PACSIN2: variants seen among roughly 807,000 people sequenced by gnomAD.
PACSIN2 encodes the protein protein kinase C and casein kinase substrate in neurons 2.
In PACSIN2, 25 loss-of-function variants were observed where a neutral mutation model predicts 63.8. That is an observed-to-expected ratio of 0.39 (90% CI 0.29 to 0.55). PACSIN2 has a LOEUF of 0.55. Among genes scored for constraint, PACSIN2 ranks in the 20% least tolerant of loss-of-function variants. The pLI is 0.62. For missense variants in PACSIN2, 518 were observed against 646.9 expected, an observed-to-expected ratio of 0.80 and a Z score of 2.16; for synonymous variants, 255 against 256.2, an observed-to-expected ratio of 1.00 and a Z score of 0.05.
intron 1 of PACSIN2, among the ~76,000 whole-genome samples, chr22:43,014,691 G>A (rs1281804110): frequency 6.7e-6 from 1 of 149,156 alleles, no homozygotes; most frequent in Non-Finnish European, 1.5e-5. Context: ...CCCTGCTCCT[G>A]CACTTCCCTC....
At chr22:42,949,712 A>T (rs377189233) in intron 1 of PACSIN2, among the ~76,000 whole-genome samples, 48 of 134,440 alleles carry the variant, frequency 3.6e-4, no homozygotes, top group Middle Eastern at 7.1e-3. Context: ...ACACTCTCTC[A>T]CACACACACA....
chr22:42,904,590 C>A (rs1202955241), intron 2 of PACSIN2, among the ~76,000 whole-genome samples: 2 of 152,160 alleles, frequency 1.3e-5, no homozygotes, highest in East Asian at 1.9e-4. Context: ...ACTGGCTCGA[C>A]CCCTAAGGTC....
intron 1 of PACSIN2, among the ~76,000 whole-genome samples, chr22:42,943,415 T>C (rs1933266218): frequency 6.6e-6 from 1 of 152,230 alleles, no homozygotes; most frequent in Admixed American, 6.5e-5. Flanking sequence ...GGTTAGACTC[T>C]CCAGTACAAT....
At chr22:42,986,082 C>T (rs1375931402) in intron 1 of PACSIN2, among the ~76,000 whole-genome samples, 1 of 152,206 alleles carries the variant, frequency 6.6e-6, no homozygotes, top group African/African-American at 2.4e-5. Flanking sequence ...TTTAGCCAAG[C>T]ACCCTCAAGG....
Position 42,920,793 on chromosome 22 carries a change from C to CTT in PACSIN2, c.-77-8638_-77-8637dup, listed in dbSNP as rs745822264. On this transcript the variant is annotated intron_variant, in intron 1 of 10. Transcript: ENST00000263246. ...GGGTCAATTATCATGAATTATCACA[C>CTT]TTTTTTTTTTTTTTTTTTTTTTTTT... 2.7e-4 allele frequency among the ~76,000 whole-genome samples: 21 copies of CTT among 77,656 alleles called. 2 individuals are homozygous for CTT. The highest frequency in any genetic ancestry group is 5.5e-4 in the East Asian group (1 of 1,832). 50.9% of individuals were successfully genotyped at this position (77,656 alleles called of 152,430 possible). A position where few individuals can be genotyped will look rare whatever the true frequency, so the allele number is the denominator to read the frequency against.
intron 1 of PACSIN2, among the ~76,000 whole-genome samples, chr22:42,985,609 T>G (rs2050106507): frequency 1.3e-5 from 2 of 151,948 alleles, no homozygotes; most frequent in South Asian, 4.2e-4. Flanking sequence ...TTGAAACATT[T>G]GCAAAACATA....
At chr22:42,984,727 G>C (rs1449120062) in intron 1 of PACSIN2, among the ~76,000 whole-genome samples, 1 of 152,200 alleles carries the variant, frequency 6.6e-6, no homozygotes, top group African/African-American at 2.4e-5. Flanking sequence ...AGGCTGCAGA[G>C]CTGTGGCCTT....
At chr22:42,964,768 T>C (rs1417330965) in intron 1 of PACSIN2, among the ~76,000 whole-genome samples, 1 of 151,992 alleles carries the variant, frequency 6.6e-6, no homozygotes, top group South Asian at 2.1e-4. Flanking sequence ...ACCACAAGCC[T>C]TTTCCATTAG....
intron 1 of PACSIN2, among the ~76,000 whole-genome samples, chr22:42,971,340 G>C (rs574638536): frequency 6.6e-6 from 1 of 152,346 alleles, no homozygotes; most frequent in East Asian, 1.9e-4. Context: ...GCCCGCCTCA[G>C]CCTCCCGAGG....
intron 1 of PACSIN2, among the ~76,000 whole-genome samples, chr22:42,940,859 G>A (rs1933126529): frequency 6.6e-6 from 1 of 152,234 alleles, no homozygotes; most frequent in Non-Finnish European, 1.5e-5. Flanking sequence ...GATGATGGGT[G>A]AAGTACTTGA....
intron 1 of PACSIN2, among the ~76,000 whole-genome samples, chr22:42,944,778 C>T (rs994206184): frequency 6.6e-6 from 1 of 152,262 alleles, no homozygotes; most frequent in African/African-American, 2.4e-5. Context: ...AGTGGCACAG[C>T]GCATCCACTA....
intron 1 of PACSIN2, among the ~76,000 whole-genome samples, chr22:43,004,299 T>C (rs1923950879): frequency 6.6e-6 from 1 of 152,220 alleles, no homozygotes; most frequent in Non-Finnish European, 1.5e-5. Flanking sequence ...GCTTCTTGAA[T>C]GGTCCCTCAG....
chr22:42,889,511 G>A (rs1332208257), intron 4 of PACSIN2, among the ~76,000 whole-genome samples: 1 of 152,084 alleles, frequency 6.6e-6, no homozygotes, highest in Admixed American at 6.6e-5. Flanking sequence ...TTATGAATGG[G>A]GCCAGGGACA....
chr22:42,884,584 G>C (rs1929340790), intron 5 of PACSIN2, 23 bp from the exon 6 acceptor site: 2 of 1,604,844 alleles, frequency 1.2e-6, no homozygotes, highest in Middle Eastern at 1.7e-4. Flanking sequence ...CCAGGCACAA[G>C]ACAGAGGTTC....
intron 1 of PACSIN2, among the ~76,000 whole-genome samples, chr22:42,925,515 G>C (rs1932484111): frequency 6.6e-6 from 1 of 151,900 alleles, no homozygotes; most frequent in Admixed American, 6.6e-5. Context: ...CTCTAGGAGG[G>C]CAGGGACAAA....
At chr22:42,894,890 T>C (rs540168453) in intron 2 of PACSIN2, among the ~76,000 whole-genome samples, 1 of 151,826 alleles carries the variant, frequency 6.6e-6, no homozygotes, top group East Asian at 2.0e-4. Flanking sequence ...TTTTCTAAAA[T>C]CTCTTTGCCT....
At chr22:42,908,181 C>T (rs756511781) in intron 2 of PACSIN2, among the ~76,000 whole-genome samples, 1 of 152,230 alleles carries the variant, frequency 6.6e-6, no homozygotes, top group Non-Finnish European at 1.5e-5. Context: ...GCTCTAAATG[C>T]ACAGACAGCT....
At chr22:42,927,584 G>T (rs935999674) in intron 1 of PACSIN2, among the ~76,000 whole-genome samples, 14 of 148,740 alleles carry the variant, frequency 9.4e-5, no homozygotes, top group South Asian at 2.1e-4. Flanking sequence ...TAGTTATTTA[G>T]TTATTTAGTT....
intron 1 of PACSIN2, among the ~76,000 whole-genome samples, chr22:42,916,297 G>C (rs1057209491): frequency 7.2e-5 from 11 of 151,932 alleles, no homozygotes; most frequent in Non-Finnish European, 1.5e-4. Flanking sequence ...TAAAGGGGAG[G>C]ACCTGGGGGA....
Sources: gnomAD v4.1 joint callset for allele counts (sites outside exome capture counted in the v4.1 genomes callset) on GRCh38, gnomAD v4.1.1 for gene constraint, MANE v1.5 for transcripts, NCBI Gene and HGNC (gene_info 2026-07-23, HGNC 2026-07-21) for gene names.